Variants in GPHN observed in about 807,000 individuals in gnomAD.
GPHN encodes the protein gephyrin.
Under a neutral mutation model 95.5 loss-of-function variants are expected in GPHN, and 17 were observed. That is an observed-to-expected ratio of 0.18 (90% confidence interval 0.12 to 0.27). The LOEUF is 0.27. GPHN is among the 10% of genes least tolerant of loss of function. GPHN has a pLI of 1.00. For missense variants in GPHN, 660 were observed against 978.1 expected (o/e 0.67, Z 4.34); for synonymous variants, 320 against 322.5 (o/e 0.99, Z 0.08).
chr14:67,310,216 T>C, the GPHN span, among the ~76,000 whole-genome samples: 2 of 152,180 alleles, frequency 1.3e-5, no homozygotes, highest in East Asian at 3.8e-4. Flanking sequence ...AATTCATTTT[T>C]AGTGCTGACT....
chr14:66,649,304 A>G (rs2153363552), intron 1 of GPHN, among the ~76,000 whole-genome samples: 1 of 152,094 alleles, frequency 6.6e-6, no homozygotes, highest in East Asian at 1.9e-4. Flanking sequence ...ACTGCACTCC[A>G]ACCTGAGCAA....
the GPHN span, chr14:67,332,940 C>G: frequency 2.5e-6 from 4 of 1,607,722 alleles, no homozygotes; most frequent in South Asian, 4.4e-5. Context: ...TGGGTACCAT[C>G]CACTTGGCTG....
chr14:67,662,989 C>A, the GPHN span: 1 of 1,359,208 alleles, frequency 7.4e-7, no homozygotes, highest in African/African-American at 1.5e-5. Flanking sequence ...TCTATGTTAA[C>A]TCGTACACTA....
intron 11 of GPHN, among the ~76,000 whole-genome samples, chr14:67,065,062 G>A (rs2153653531): frequency 6.6e-6 from 1 of 152,252 alleles, no homozygotes; most frequent in Non-Finnish European, 1.5e-5. Context: ...TTTCTCTTGT[G>A]GGCATTTAGT....
chr14:66,835,885 G>C (rs1162697991), intron 4 of GPHN, among the ~76,000 whole-genome samples: 2 of 150,872 alleles, frequency 1.3e-5, no homozygotes, highest in Non-Finnish European at 3.0e-5. Context: ...CAACTTACAA[G>C]GGATGTGAAG....
chr14:67,663,304 G>T, the GPHN span: 1 of 665,746 alleles, frequency 1.5e-6, no homozygotes, highest in Non-Finnish European at 2.4e-6. Flanking sequence ...TCTAAAATAT[G>T]ATAGCAAGTT....
At chr14:66,807,267 C>T (rs1315502573) in intron 3 of GPHN, among the ~76,000 whole-genome samples, 1 of 152,172 alleles carries the variant, frequency 6.6e-6, no homozygotes, top group Non-Finnish European at 1.5e-5. Flanking sequence ...CAGGTCCCTC[C>T]CACAACATGG....
At chr14:66,967,423 A>G (rs1006946965) in intron 9 of GPHN, among the ~76,000 whole-genome samples, 1 of 151,990 alleles carries the variant, frequency 6.6e-6, no homozygotes, top group African/African-American at 2.4e-5. Flanking sequence ...AAGTGCTTTA[A>G]TATCAGTGAC....
chr14:67,587,330 C>A, the GPHN span: 2 of 1,335,026 alleles, frequency 1.5e-6, no homozygotes, highest in Non-Finnish European at 2.2e-6. Context: ...GGTCTAACAG[C>A]CCCCGGCTAC....
rs188312155 is a variant in GPHN, at chr14:66,841,190, G to A, written c.294+16624G>A. Among the ~76,000 whole-genome samples, 870 of 152,096 alleles carry A rather than the reference G, an allele frequency of 5.7e-3. 14 individuals carry two copies. The highest frequency in any genetic ancestry group is 0.02 in the African/African-American group (830 of 41,474). ...AAGTAAACTCTATAGAACTGGAGAT[G>A]GTAAGCGCTATGTTTAAAAATTAAC... On this transcript the variant is annotated intron_variant, in intron 4 of 22. Transcript: ENST00000478722.
intron 3 of GPHN, among the ~76,000 whole-genome samples, chr14:66,821,356 G>C (rs1199947630): frequency 6.6e-6 from 1 of 152,136 alleles, no homozygotes; most frequent in Non-Finnish European, 1.5e-5. Context: ...TTAAAATGCA[G>C]CTTCTGATTC....
At chr14:66,613,161 A>C (rs2062855820) in intron 1 of GPHN, among the ~76,000 whole-genome samples, 1 of 152,120 alleles carries the variant, frequency 6.6e-6, no homozygotes, top group Admixed American at 6.6e-5. Context: ...TGGTCACAAC[A>C]TTTTTGTGAA....
chr14:67,122,710 G>A lies in GPHN; in HGVS notation c.1748+333G>A, dbSNP rs17104010. Reference sequence around the variant, plus strand: ...ATTTTTACTTCTTTCAAGAAAGACAGGAAAAGCATAGGTAAGAAGAGAAAG... The same window carrying A: ...ATTTTTACTTCTTTCAAGAAAGACAAGAAAAGCATAGGTAAGAAGAGAAAG... On this transcript the variant is annotated intron_variant, in intron 17 of 22. Coordinates refer to ENST00000478722, the MANE Select transcript of GPHN (RefSeq NM_020806.5). 0.067 allele frequency among the ~76,000 whole-genome samples: 10,131 copies of A among 152,252 alleles called. 361 individuals are homozygous for A. The highest frequency in any genetic ancestry group is 0.085 in the Middle Eastern group (25 of 294).
chr14:67,508,759 A>AAAAAAAAAAAAAAAAAAAAC, the GPHN span, among the ~76,000 whole-genome samples: 3 of 149,668 alleles, frequency 2.0e-5, no homozygotes, highest in East Asian at 5.9e-4. Flanking sequence ...GTCTCAAAAA[A>AAAAAAAAAAAAAAAAAAAAC]AAAAAAAAAA....
intron 17 of GPHN, among the ~76,000 whole-genome samples, chr14:67,140,383 T>TA (rs59560735): frequency 0.022 from 2,850 of 129,684 alleles, 49 homozygotes; most frequent in Middle Eastern, 0.042. Flanking sequence ...AGACTCCATC[T>TA]AAAAAAAAAA....
the GPHN span, chr14:67,674,339 C>A: frequency 6.5e-7 from 1 of 1,539,986 alleles, no homozygotes; most frequent in South Asian, 1.2e-5. Flanking sequence ...GCGCGCAGGG[C>A]TGCGCTCCCC....
the GPHN span, among the ~76,000 whole-genome samples, chr14:67,276,530 T>C: frequency 4.9e-4 from 75 of 152,316 alleles, no homozygotes; most frequent in African/African-American, 1.8e-3. Context: ...GTTGAACAGA[T>C]ATTTATTGGA....
chr14:67,634,811 A>T, the GPHN span, among the ~76,000 whole-genome samples: 10 of 152,374 alleles, frequency 6.6e-5, no homozygotes, highest in South Asian at 1.4e-3. Flanking sequence ...GTTGGCTTAA[A>T]TAATTTAACC....
At chr14:67,653,060 A>T in the GPHN span, among the ~76,000 whole-genome samples, 1 of 152,180 alleles carries the variant, frequency 6.6e-6, no homozygotes, top group African/African-American at 2.4e-5. Context: ...AGGTGCTGGG[A>T]TTACAGGCAT....
Sources: gnomAD v4.1 joint callset for allele counts (sites outside exome capture counted in the v4.1 genomes callset) on GRCh38, gnomAD v4.1.1 for gene constraint, MANE v1.5 for transcripts, NCBI Gene and HGNC (gene_info 2026-07-23, HGNC 2026-07-21) for gene names.